The following LRRK1 variants were observed in gnomAD, a reference collection of about 807,000 sequenced individuals.
LRRK1 encodes leucine rich repeat kinase 1, also known as leucine-rich repeat serine/threonine-protein kinase 1.
In LRRK1, 113 loss-of-function variants were observed where a neutral mutation model predicts 209.1. The ratio of observed to expected loss-of-function variants is 0.54; its 90% confidence interval spans 0.46 to 0.63. The LOEUF is 0.63. Ranked by LOEUF, LRRK1 falls within the 30% of genes least tolerant of loss-of-function variation. The pLI, the probability that LRRK1 is intolerant of heterozygous loss-of-function variation, is 0.00. For synonymous variants in LRRK1, 1,144 were observed against 1,099.7 expected, an observed-to-expected ratio of 1.04 and a Z score of -0.80; for missense variants, 2,284 against 2,632.2, an observed-to-expected ratio of 0.87 and a Z score of 2.89.
At chr15:100,949,640 G>A (rs995988288) in intron 2 of LRRK1, among the ~76,000 whole-genome samples, 2 of 151,982 alleles carry the variant, frequency 1.3e-5, no homozygotes, top group Non-Finnish European at 2.9e-5. Flanking sequence ...CTAGCAAACC[G>A]AATTTAGTAA....
chr15:100,999,033 C>T (rs1056866528), intron 6 of LRRK1, among the ~76,000 whole-genome samples: 4 of 152,184 alleles, frequency 2.6e-5, no homozygotes, highest in African/African-American at 9.7e-5. Flanking sequence ...CTTATACAGC[C>T]TGTGAGGTGG....
chr15:100,992,755 A>T (rs895110606), intron 6 of LRRK1, among the ~76,000 whole-genome samples: 1 of 151,614 alleles, frequency 6.6e-6, no homozygotes, highest in Non-Finnish European at 1.5e-5. Flanking sequence ...TGTAACCTCC[A>T]CCTCCCGGGT....
chr15:101,068,518 T>A (rs999606873), intron 33 of LRRK1, among the ~76,000 whole-genome samples, 153 bp from the exon 34 acceptor site: 1 of 152,170 alleles, frequency 6.6e-6, no homozygotes, highest in African/African-American at 2.4e-5. Context: ...GGAGAAGTGG[T>A]GCATCTCAGC....
At position 101,041,536 on chromosome 15, in the gene LRRK1, A is replaced by C. The variant is rs1421794654; in HGVS notation, c.2964-4445A>C. On this transcript the variant is annotated intron_variant, in intron 20 of 33. Transcript: ENST00000388948. ...GCCATTCTTCCTGGTACTGTGTTTT[A>C]GTGGTTACTCTTGGGATTAGAATAT... Among the ~76,000 whole-genome samples, 5 of 152,074 alleles carry C rather than the reference A, an allele frequency of 3.3e-5. No homozygotes were observed. In the East Asian group the frequency reaches 9.6e-4, roughly 29 times the overall value.
In LRRK1 at chr15:101,058,028, C is replaced by T; in HGVS notation, c.4566C>T (p.Asp1522=). The T allele has an allele frequency of 1.2e-6, 2 of 1,614,090 alleles. No individual in the cohort carries two copies. Among genetic ancestry groups the T allele is most frequent in the South Asian group, 1.1e-5 (1 of 91,068 alleles). Residue 1522 remains aspartate, a synonymous_variant, in exon 29 of 34, where the codon GAC becomes GAT. Coordinates refer to ENST00000388948, the MANE Select transcript of LRRK1 (RefSeq NM_024652.6). ...TGTCGGTGGTGAGCCAGATGAAGGA[C>T]CCGACTTTTGCCACCTTCATGTATG... ...LALSVVSQMK[D]PTFATFMYEL...
At position 101,068,906 on chromosome 15, in the gene LRRK1, C is replaced by T. The variant is rs3829707; in HGVS notation, c.*58C>T. The T allele has an allele frequency of 2.7e-3, 3,940 of 1,484,112 alleles. 15 individuals are homozygous for T. Among genetic ancestry groups the T allele is most frequent in the East Asian group, 0.011 (479 of 42,636 alleles). The allele number at this position is 1,484,112 out of a possible 1,614,324, so 91.9% of individuals were successfully genotyped here. A position where few individuals can be genotyped will look rare whatever the true frequency, so the allele number is the denominator to read the frequency against. On this transcript the variant is annotated 3_prime_UTR_variant, in exon 34 of 34. Coordinates refer to ENST00000388948, the MANE Select transcript of LRRK1 (RefSeq NM_024652.6). ...GGCTGGCCCGGGGCTGCAGCCTGACCCCTCTGCCATCGGCCTCTAGTTCTC... is the reference window on the plus strand; with the variant it reads ...GGCTGGCCCGGGGCTGCAGCCTGACTCCTCTGCCATCGGCCTCTAGTTCTC...
At chr15:100,966,940 A>C (rs1195131763) in intron 2 of LRRK1, among the ~76,000 whole-genome samples, 1 of 152,222 alleles carries the variant, frequency 6.6e-6, no homozygotes, top group Non-Finnish European at 1.5e-5. Context: ...ACTTGGGCTT[A>C]AAGGTTTAGC....
chr15:101,049,975 C>T (rs72766853), intron 23 of LRRK1, among the ~76,000 whole-genome samples, 192 bp downstream of exon 23: 13,395 of 151,980 alleles, frequency 0.088, 936 homozygotes, highest in East Asian at 0.3. Context: ...GGGAGTCCCA[C>T]GGGGAGGACT....
At chr15:100,925,603 G>A (rs1366616591) in intron 2 of LRRK1, among the ~76,000 whole-genome samples, 1 of 152,200 alleles carries the variant, frequency 6.6e-6, no homozygotes, top group Non-Finnish European at 1.5e-5. Flanking sequence ...TATTTTGCCA[G>A]ATTTTCCGCT....
At chr15:101,023,974 C>A (rs1435191627) in intron 15 of LRRK1, among the ~76,000 whole-genome samples, 1 of 152,202 alleles carries the variant, frequency 6.6e-6, no homozygotes, top group African/African-American at 2.4e-5. Flanking sequence ...CTCATTTCTT[C>A]TCTTAGCTTC....
intron 12 of LRRK1, 117 bp downstream of exon 12, chr15:101,015,519 C>A: frequency 4.3e-6 from 3 of 703,748 alleles, no homozygotes; most frequent in Admixed American, 2.7e-5. Flanking sequence ...TGCCCTGTTG[C>A]AATGCCACAG....
Position 101,027,176 on chromosome 15 carries a change from G to T in LRRK1, c.2406-85G>T, listed in dbSNP as rs2034068896. On this transcript the variant is annotated intron_variant, in intron 17 of 33. Transcript: ENST00000388948. This position sits in a 1 kb window ranked among gnomAD's most constrained non-coding sequence, Gnocchi z 5.1. ...GTTCTCCAGACTTGCCAGCGTTCAG[G>T]ACAAACCTCTCAGGGAAACAGAGAA... 1 of 1,562,942 alleles carries T rather than the reference G, an allele frequency of 6.4e-7. No individual in the cohort carries two copies. The highest frequency in any genetic ancestry group is 2.2e-5 in the East Asian group (1 of 44,484).
intron 2 of LRRK1, among the ~76,000 whole-genome samples, chr15:100,948,116 C>G (rs993925902): frequency 5.9e-5 from 9 of 152,222 alleles, no homozygotes; most frequent in Admixed American, 5.2e-4. Context: ...CAATCTTAAA[C>G]CTCGTTCTCT....
chr15:101,019,225 A>G (rs2141705884), intron 12 of LRRK1, among the ~76,000 whole-genome samples: 1 of 152,326 alleles, frequency 6.6e-6, no homozygotes, highest in South Asian at 2.1e-4. Flanking sequence ...GGCTTCATAA[A>G]CACCGTAGCG....
At chr15:100,972,363 AGTGTGTGTGTGT>A (rs139709615) in intron 2 of LRRK1, among the ~76,000 whole-genome samples, 14 of 98,496 alleles carry the variant, frequency 1.4e-4, no homozygotes, top group East Asian at 3.8e-4. Context: ...AGAGAGAGAG[AGTGTGTGTGTGT>A]GTGTGTGTGT....
intron 20 of LRRK1, among the ~76,000 whole-genome samples, chr15:101,044,364 C>T (rs1353436900): frequency 6.6e-6 from 1 of 152,252 alleles, no homozygotes; most frequent in Non-Finnish European, 1.5e-5. Flanking sequence ...GCCAGCACCT[C>T]CGTGCAGACA....
intron 6 of LRRK1, among the ~76,000 whole-genome samples, chr15:100,993,765 C>T (rs1207111642): frequency 6.6e-6 from 1 of 152,152 alleles, no homozygotes; most frequent in Non-Finnish European, 1.5e-5. Context: ...TTGTGTACAA[C>T]CTGTCCTATT....
chr15:101,075,905 A>C lies in LRRK1; in HGVS notation c.*7057A>C, dbSNP rs149297307. On this transcript the variant is annotated 3_prime_UTR_variant, in exon 34 of 34. Coordinates refer to ENST00000388948, the MANE Select transcript of LRRK1 (RefSeq NM_024652.6). ...AAATTACCTGGGCTGTACTGCCCCA[A>C]AGCTTCACAGACAGCCCCCATTACA... 1 of 152,220 alleles carries C rather than the reference A, an allele frequency of 6.6e-6. No homozygotes were observed. Among genetic ancestry groups the C allele is most frequent in the Non-Finnish European group, 1.5e-5 (1 of 68,070 alleles). 9.4% of individuals were successfully genotyped at this position (152,220 alleles called of 1,614,324 possible).
chr15:100,943,226 G>A (rs1305241992), intron 2 of LRRK1, among the ~76,000 whole-genome samples: 1 of 152,118 alleles, frequency 6.6e-6, no homozygotes, highest in African/African-American at 2.4e-5. Context: ...GTAACAGCTT[G>A]CTGAGTCATT....
Sources: gnomAD v4.1 joint callset for allele counts (sites outside exome capture counted in the v4.1 genomes callset) on GRCh38, gnomAD v4.1.1 for gene constraint, Gnocchi (gnomAD v3.1) non-coding constraint, MANE v1.5 for transcripts, NCBI Gene and HGNC (gene_info 2026-07-23, HGNC 2026-07-21) for gene names.